Variants in WWOX observed in about 807,000 individuals in gnomAD.
WWOX encodes the protein WW domain-containing oxidoreductase.
In WWOX, 69 loss-of-function variants were observed where a neutral mutation model predicts 46.2. The ratio of observed to expected loss-of-function variants is 1.49; its 90% CI spans 1.23 to 1.82. WWOX has a LOEUF of 1.82. Ranked by LOEUF, WWOX falls within the 40% of genes most tolerant of loss-of-function variation. The pLI is 0.00. For synonymous variants in WWOX, 359 were observed against 202.6 expected, an observed-to-expected ratio of 1.77 and a Z score of -6.56; for missense variants, 919 against 542.6, an observed-to-expected ratio of 1.69 and a Z score of -6.89.
At chr16:78,391,760 A>G (rs1170292600) in intron 6 of WWOX, among the ~76,000 whole-genome samples, 1 of 152,142 alleles carries the variant, frequency 6.6e-6, no homozygotes, top group Non-Finnish European at 1.5e-5. Flanking sequence ...AGGCATGAGA[A>G]TTGCTTGAGC....
intron 8 of WWOX, among the ~76,000 whole-genome samples, chr16:78,889,746 A>G (rs2044547237): frequency 1.3e-5 from 2 of 152,270 alleles, no homozygotes; most frequent in Admixed American, 1.3e-4. Context: ...CTTGTGCGAT[A>G]TAGTTCCCTA....
rs146697931 is a variant in WWOX at position 78,108,404 on chromosome 16, A to ATTT, written c.108-15_108-13dup. The ATTT allele has an allele frequency of 1.9e-6, 3 of 1,550,292 alleles. No homozygotes were observed. Among genetic ancestry groups the ATTT allele is most frequent in the Admixed American group, 1.7e-5 (1 of 58,840 alleles). ...AGTTAATTTTTACTTATTACTGTGG[A>ATTT]TTTTTTGTTTTTTAACAGTCACACC... On this transcript the variant is annotated intron_variant, in intron 1 of 8. Coordinates refer to ENST00000566780, the MANE Select transcript of WWOX (RefSeq NM_016373.4).
At chr16:78,815,766 G>T (rs1212947422) in intron 8 of WWOX, among the ~76,000 whole-genome samples, 1 of 152,236 alleles carries the variant, frequency 6.6e-6, no homozygotes, top group Non-Finnish European at 1.5e-5. Flanking sequence ...GCCAAGGACA[G>T]TTGTACGCAG....
At chr16:78,454,569 G>A (rs1160985076) in intron 8 of WWOX, among the ~76,000 whole-genome samples, 1 of 152,098 alleles carries the variant, frequency 6.6e-6, no homozygotes, top group African/African-American at 2.4e-5. Flanking sequence ...GCAATGGCAC[G>A]ATCTCTGCTG....
intron 8 of WWOX, among the ~76,000 whole-genome samples, chr16:78,837,960 T>A (rs1420162127): frequency 6.6e-6 from 1 of 152,132 alleles, no homozygotes; most frequent in Non-Finnish European, 1.5e-5. Flanking sequence ...AATGAGTAAA[T>A]TTACTTTGTG....
chr16:78,975,049 A>G (rs546775183), intron 8 of WWOX, among the ~76,000 whole-genome samples: 4 of 152,188 alleles, frequency 2.6e-5, no homozygotes, highest in Admixed American at 6.5e-5. Context: ...GGCCTTCACT[A>G]TTGTCAAGGC....
At chr16:79,005,728 T>A (rs1160526708) in intron 8 of WWOX, among the ~76,000 whole-genome samples, 1 of 152,170 alleles carries the variant, frequency 6.6e-6, no homozygotes, top group East Asian at 1.9e-4. Context: ...TGTAATCACA[T>A]CTTACCTAAG....
At chr16:78,848,587 G>A (rs2052360051) in intron 8 of WWOX, among the ~76,000 whole-genome samples, 1 of 152,162 alleles carries the variant, frequency 6.6e-6, no homozygotes, top group South Asian at 2.1e-4. Context: ...GGTGTTGGGA[G>A]GAAACAGGGT....
intron 8 of WWOX, among the ~76,000 whole-genome samples, chr16:79,194,492 G>T (rs1274654395): frequency 2.0e-5 from 3 of 152,186 alleles, no homozygotes; most frequent in Non-Finnish European, 2.9e-5. Flanking sequence ...AGTGACGGCT[G>T]AACTTTGTAA....
chr16:78,721,344 A>C (rs1049670099), intron 8 of WWOX, among the ~76,000 whole-genome samples: 4 of 152,174 alleles, frequency 2.6e-5, no homozygotes, highest in Non-Finnish European at 5.9e-5. Context: ...AATACCATTT[A>C]CATTTACTGT....
chr16:78,828,739 C>T (rs907215071), intron 8 of WWOX, among the ~76,000 whole-genome samples: 4 of 152,130 alleles, frequency 2.6e-5, no homozygotes, highest in Non-Finnish European at 2.9e-5. Flanking sequence ...CGTCTCTAGT[C>T]CTCCAACCCT....
chr16:79,077,636 T>G (rs1597353000), intron 8 of WWOX: 1 of 117,534 alleles, frequency 8.5e-6, no homozygotes, highest in Non-Finnish European at 1.9e-5. Context: ...CCTTAAATGG[T>G]CCCCCCTTTT....
At chr16:78,597,385 T>C (rs2045516528) in intron 8 of WWOX, among the ~76,000 whole-genome samples, 1 of 152,238 alleles carries the variant, frequency 6.6e-6, no homozygotes, top group East Asian at 1.9e-4. Context: ...GGTGGCTCTT[T>C]ACCCATTGCC....
intron 8 of WWOX, among the ~76,000 whole-genome samples, chr16:78,772,949 C>T (rs1339332798): frequency 6.6e-6 from 1 of 152,136 alleles, no homozygotes; most frequent in Non-Finnish European, 1.5e-5. Flanking sequence ...TGCTTGGGCC[C>T]AGGAGGCTGA....
intron 8 of WWOX, among the ~76,000 whole-genome samples, chr16:78,734,239 G>GT (rs145534911): frequency 0.018 from 2,671 of 152,000 alleles, 45 homozygotes; most frequent in Non-Finnish European, 0.025. Context: ...GAGACTCTTG[G>GT]TTTTTTTTAT....
chr16:79,109,189 C>CTGTACTAAGCCGAAA (rs1181152670), intron 8 of WWOX, among the ~76,000 whole-genome samples: 1 of 152,176 alleles, frequency 6.6e-6, no homozygotes, highest in South Asian at 2.1e-4. Flanking sequence ...TCTGTGTAAA[C>CTGTACTAAGCCGAAA]TGTACTAAGC....
At position 78,112,689 on chromosome 16, in the gene WWOX, T is replaced by C. The variant is rs549984216; in HGVS notation, c.231-2287T>C. ...ATGTTGAAAATGTTTTTTTTTTTTT[T>C]CCAAGTTTTCTTTCTTTTTTTTTTT... On this transcript the variant is annotated intron_variant, in intron 3 of 8. Coordinates refer to ENST00000566780, the MANE Select transcript of WWOX (RefSeq NM_016373.4). Among the ~76,000 whole-genome samples the C allele has an allele frequency of 6.1e-3, 928 of 151,180 alleles. 11 individuals are homozygous for C. Among genetic ancestry groups the C allele is most frequent in the African/African-American group, 0.022 (891 of 41,224 alleles).
intron 4 of WWOX, among the ~76,000 whole-genome samples, chr16:78,152,377 C>G (rs890395147): frequency 6.8e-6 from 1 of 147,516 alleles, no homozygotes; most frequent in Non-Finnish European, 1.5e-5. Flanking sequence ...GAATATTCCT[C>G]CCACATATTT....
chr16:78,281,131 A>C (rs144674014), intron 5 of WWOX: 1 of 152,254 alleles, frequency 6.6e-6, no homozygotes, highest in Non-Finnish European at 1.5e-5. Flanking sequence ...TTTCATGGCA[A>C]AGCGATCTCA....
Sources: gnomAD v4.1 joint callset for allele counts (sites outside exome capture counted in the v4.1 genomes callset) on GRCh38, gnomAD v4.1.1 for gene constraint, MANE v1.5 for transcripts, NCBI Gene and HGNC (gene_info 2026-07-23, HGNC 2026-07-21) for gene names.